The following CDH23 variants were observed in gnomAD, a reference collection of about 807,000 sequenced individuals.
CDH23 encodes the protein cadherin-23.
A neutral mutation model predicts 317.1 loss-of-function variants in CDH23; 189 were observed. The observed-to-expected ratio is 0.60, with a 90% confidence interval of 0.53 to 0.67. The LOEUF (loss-of-function observed/expected upper bound fraction) is 0.67. Among genes scored for constraint, CDH23 ranks in the 30% least tolerant of loss-of-function variants. The pLI is 0.00. For synonymous variants in CDH23, 1,839 were observed against 1,876.8 expected, an observed-to-expected ratio of 0.98 and a Z score of 0.52; for missense variants, 4,401 against 4,592.4, an observed-to-expected ratio of 0.96 and a Z score of 1.20.
intron 6 of CDH23, among the ~76,000 whole-genome samples, chr10:71,540,149 A>G (rs1410752652): frequency 6.6e-6 from 1 of 152,182 alleles, no homozygotes; most frequent in African/African-American, 2.4e-5. Flanking sequence ...GTCAGGCAGT[A>G]TGATCTTCCT....
At position 71,785,078 on chromosome 10, in the gene CDH23, G is replaced by T. The variant is rs530212154; in HGVS notation, c.5690G>T (p.Arg1897Leu). 5.0e-6 allele frequency: 8 copies of T among 1,613,850 alleles called. No individual in the cohort carries two copies. Among genetic ancestry groups the T allele is most frequent in the Non-Finnish European group, 6.8e-6 (8 of 1,179,822 alleles). ...TFNITAGNRE[R>L]AFFINATTGI... is the part of the protein sequence containing the mutation. The stretch of plus-strand genomic sequence containing the variant: ...AACATCACTGCGGGCAACCGCGAGC[G>T]GGCCTTCTTCATCAATGCCACGGTA... Residue 1897 changes from arginine to leucine, a missense_variant, in exon 43 of 70, where the codon CGG becomes CTG. Arg to Leu is a moderately radical substitution (Grantham distance 102). Around this residue, in one of 3 missense-constraint regions of CDH23, gnomAD observed 3,068 missense variants for 3,203.3 expected, o/e 0.96. Transcript: ENST00000224721.
intron 44 of CDH23, among the ~76,000 whole-genome samples, chr10:71,786,954 T>G (rs1296625420): frequency 6.6e-6 from 1 of 152,156 alleles, no homozygotes; most frequent in East Asian, 1.9e-4. Flanking sequence ...AACTCACCAC[T>G]TGGCTCTGAA....
intron 3 of CDH23, among the ~76,000 whole-genome samples, chr10:71,469,245 C>A (rs575554168): frequency 6.6e-6 from 1 of 152,186 alleles, no homozygotes. Context: ...ATTAAGATAG[C>A]GAACATATCC....
intron 3 of CDH23, among the ~76,000 whole-genome samples, chr10:71,487,668 T>G (rs2132131234): frequency 6.6e-6 from 1 of 152,334 alleles, no homozygotes; most frequent in African/African-American, 2.4e-5. Context: ...TTTCTCCGTA[T>G]GGCCCTTATC....
chr10:71,535,671 G>A lies in CDH23; in HGVS notation c.429+24459G>A, dbSNP rs559707282. Reference sequence around the variant, plus strand: ...AGTTCTGAGTGTTCCCCAGGCCAGCGGCAACTGTCCCTGGCTGGCTAGCTG... The same window carrying A: ...AGTTCTGAGTGTTCCCCAGGCCAGCAGCAACTGTCCCTGGCTGGCTAGCTG... On this transcript the variant is annotated intron_variant, in intron 6 of 69. Transcript: ENST00000224721. Among the ~76,000 whole-genome samples, 13 of 152,332 alleles carry A rather than the reference G, an allele frequency of 8.5e-5. No homozygotes were observed. The East Asian group carries it at 1.9e-3, about 23-fold the overall frequency.
At chr10:71,810,134 G>A in intron 61 of CDH23, 58 bp downstream of exon 61, 1 of 1,591,824 alleles carries the variant, frequency 6.3e-7, no homozygotes, top group Non-Finnish European at 8.6e-7. Flanking sequence ...GGGGAGGCCA[G>A]GCCACAAGGA....
intron 9 of CDH23, among the ~76,000 whole-genome samples, chr10:71,586,428 T>C (rs1014141356): frequency 6.6e-6 from 1 of 152,212 alleles, no homozygotes; most frequent in Admixed American, 6.5e-5. Flanking sequence ...GTACACAGAA[T>C]TGATTTAAAC....
intron 14 of CDH23, among the ~76,000 whole-genome samples, chr10:71,650,057 G>A (rs896853037): frequency 6.6e-6 from 1 of 152,168 alleles, no homozygotes; most frequent in African/African-American, 2.4e-5. Flanking sequence ...CAGAGCTGAG[G>A]GTAAAGAGAG....
rs1385953170 is a variant in CDH23, at chr10:71,793,398, C to A, written c.6470C>A (p.Thr2157Lys). The A allele has an allele frequency of 1.2e-6, 2 of 1,613,908 alleles. No homozygotes were observed. Among genetic ancestry groups the A allele is most frequent in the Non-Finnish European group, 1.7e-6 (2 of 1,179,900 alleles). The stretch of plus-strand genomic sequence containing the variant: ...CGGGGCACCGTTCCTCTCTCGGGCA[C>A]AGCCATTGTCACCATTCTGATCGAT... Reference protein sequence around the residue: ...TDRGTVPLSGTAIVTILIDDI... With the variant: ...TDRGTVPLSGKAIVTILIDDI... The change falls in exon 48 of 70, where the codon ACA (threonine) becomes AAA (lysine). Residue 2157 changes from threonine to lysine, a missense_variant. Transcript: ENST00000224721.
At chr10:71,462,542 A>G (rs532618883) in intron 3 of CDH23, among the ~76,000 whole-genome samples, 1 of 152,340 alleles carries the variant, frequency 6.6e-6, no homozygotes, top group Admixed American at 6.5e-5. Flanking sequence ...GCCATGTGCC[A>G]AGGAGCAAAG....
chr10:71,666,366 C>T (rs1427200026), intron 14 of CDH23, among the ~76,000 whole-genome samples: 2 of 152,084 alleles, frequency 1.3e-5, no homozygotes, highest in African/African-American at 2.4e-5. Context: ...CTCTCTTATC[C>T]GTCACACAAA....
At chr10:71,525,542 T>C (rs10999863) in intron 6 of CDH23, among the ~76,000 whole-genome samples, 26,320 of 151,830 alleles carry the variant, frequency 0.17, 2,718 homozygotes, top group African/African-American at 0.29. Context: ...CTAGGGAGGG[T>C]AGCTGGCTGG....
At chr10:71,535,567 T>C (rs1056741220) in intron 6 of CDH23, among the ~76,000 whole-genome samples, 2 of 152,212 alleles carry the variant, frequency 1.3e-5, no homozygotes, top group Non-Finnish European at 2.9e-5. Flanking sequence ...GCTTCATCCA[T>C]AGACAGACAC....
chr10:71,607,659 T>G (rs762372352), intron 9 of CDH23, among the ~76,000 whole-genome samples: 1 of 152,094 alleles, frequency 6.6e-6, no homozygotes, highest in Non-Finnish European at 1.5e-5. Context: ...TCCCAGCACT[T>G]TTGGAGGCCG....
Position 71,800,950 on chromosome 10 carries a change from C to T in CDH23, c.7482+195C>T, listed in dbSNP as rs73277865. On this transcript the variant is annotated intron_variant, in intron 53 of 69. Coordinates refer to ENST00000224721, the MANE Select transcript of CDH23 (RefSeq NM_022124.6). The stretch of plus-strand genomic sequence containing the variant: ...GGCTGTGGCTTAGGAAGACAGGGAC[C>T]CTCTGGGAGAAATCTTTGCCAAACT... Among the ~76,000 whole-genome samples the T allele has an allele frequency of 1.9e-3, 287 of 152,178 alleles. 2 individuals are homozygous for T. Among genetic ancestry groups the T allele is most frequent in the African/African-American group, 6.2e-3 (259 of 41,490 alleles).
chr10:71,423,847 G>A (rs1848926202), intron 1 of CDH23, among the ~76,000 whole-genome samples: 1 of 152,224 alleles, frequency 6.6e-6, no homozygotes, highest in Non-Finnish European at 1.5e-5. Flanking sequence ...GACGGGTGGT[G>A]CTCTCTGCTC....
intron 1 of CDH23, among the ~76,000 whole-genome samples, chr10:71,435,576 C>T (rs1477378784): frequency 1.3e-5 from 2 of 152,180 alleles, no homozygotes; most frequent in African/African-American, 4.8e-5. Context: ...GTGGCCCTGC[C>T]CTTACCTCTG....
chr10:71,422,743 G>C (rs1413207501), intron 1 of CDH23, among the ~76,000 whole-genome samples: 2 of 152,222 alleles, frequency 1.3e-5, no homozygotes, highest in Non-Finnish European at 2.9e-5. Flanking sequence ...GGCTTTCCTA[G>C]CTGAAGGACC....
intron 3 of CDH23, among the ~76,000 whole-genome samples, chr10:71,507,042 C>A (rs915654008): frequency 1.3e-5 from 2 of 152,176 alleles, no homozygotes; most frequent in Non-Finnish European, 2.9e-5. Flanking sequence ...CCCAGTTGTG[C>A]AACCTTGGCT....
Sources: gnomAD v4.1 joint callset for allele counts (sites outside exome capture counted in the v4.1 genomes callset) on GRCh38, gnomAD v4.1.1 for gene constraint, gnomAD v4.1.1 regional missense constraint, MANE v1.5 for transcripts, NCBI Gene and HGNC (gene_info 2026-07-23, HGNC 2026-07-21) for gene names.